The following NFILZ variants were observed in gnomAD, a reference collection of about 807,000 sequenced individuals.
The protein encoded by NFILZ is NFIL3 like protein.
chr19:8,680,821 G>A lies in NFILZ; in HGVS notation c.*3186G>A, dbSNP rs181367904. Among the ~76,000 whole-genome samples the A allele has an allele frequency of 1.9e-3, 288 of 152,262 alleles. No homozygotes were observed. Among genetic ancestry groups the A allele is most frequent in the African/African-American group, 6.6e-3 (274 of 41,536 alleles). Reference sequence around the variant, plus strand: ...AGAGATGAAGGGGGGAGTCATGCATGTATCAGAGGAAGAACATTTCCTAGT... The same window carrying A: ...AGAGATGAAGGGGGGAGTCATGCATATATCAGAGGAAGAACATTTCCTAGT... On this transcript the variant is annotated 3_prime_UTR_variant, in exon 6 of 6. Coordinates refer to ENST00000691075, the MANE Select transcript of NFILZ (RefSeq NM_001378600.1).
In NFILZ at chr19:8,664,895, C is replaced by G. The variant is rs536434848; in HGVS notation, c.-163-9656C>G. 3.3e-5 allele frequency among the ~76,000 whole-genome samples: 5 copies of G among 152,170 alleles called. No homozygotes were observed. The East Asian group carries it at 7.8e-4, about 24-fold the overall frequency. ...CTCCCTGCTTGCACACCCCCTGTGA[C>G]GGGCAGCTCATTACCTATCAAGGCA... On this transcript the variant is annotated intron_variant, in intron 3 of 5. Coordinates refer to ENST00000691075, the MANE Select transcript of NFILZ (RefSeq NM_001378600.1).
At chr19:8,646,369 C>T (rs1335746477) in intron 3 of NFILZ, among the ~76,000 whole-genome samples, 2 of 152,120 alleles carry the variant, frequency 1.3e-5, no homozygotes, top group Non-Finnish European at 2.9e-5. Context: ...CTCCATTGCA[C>T]AGATGAGGAA....
intron 3 of NFILZ, among the ~76,000 whole-genome samples, chr19:8,659,048 C>T (rs887677299): frequency 3.3e-5 from 5 of 151,984 alleles, no homozygotes; most frequent in Admixed American, 6.6e-5. Flanking sequence ...GATTTCGAGA[C>T]CGGCCTGGCC....
intron 3 of NFILZ, among the ~76,000 whole-genome samples, chr19:8,670,801 C>T (rs1187751474): frequency 1.3e-5 from 2 of 152,048 alleles, no homozygotes; most frequent in African/African-American, 4.8e-5. Context: ...TTGAGACCAG[C>T]GTGGCCAACA....
chr19:8,652,842 CTT>C (rs1427189015), intron 3 of NFILZ, among the ~76,000 whole-genome samples: 1 of 139,798 alleles, frequency 7.2e-6, no homozygotes, highest in Non-Finnish European at 1.5e-5. Flanking sequence ...CTTTCTCTTT[CTT>C]TCTTTCCTTT....
In NFILZ at chr19:8,678,935, A is replaced by T. The variant is rs1568426602; in HGVS notation, c.*1300A>T. Among the ~76,000 whole-genome samples, 2 of 152,270 alleles carry T rather than the reference A, an allele frequency of 1.3e-5. No homozygotes were observed. Among genetic ancestry groups the T allele is most frequent in the East Asian group, 3.9e-4 (2 of 5,176 alleles). Reference sequence around the variant, plus strand: ...TAGGAATGGGTGTTTGGGAAGAAACATACTGAAGACCAGACTGAAGGAGGA... The same window carrying T: ...TAGGAATGGGTGTTTGGGAAGAAACTTACTGAAGACCAGACTGAAGGAGGA... On this transcript the variant is annotated 3_prime_UTR_variant, in exon 6 of 6. Transcript: ENST00000691075.
chr19:8,672,687 CA>C (rs1309202361), intron 3 of NFILZ, among the ~76,000 whole-genome samples: 2 of 151,400 alleles, frequency 1.3e-5, no homozygotes, highest in Non-Finnish European at 2.9e-5. Flanking sequence ...TTAGTTCATT[CA>C]AAAATATTCA....
At chr19:8,671,470 A>G (rs1419839728) in intron 3 of NFILZ, among the ~76,000 whole-genome samples, 1 of 151,862 alleles carries the variant, frequency 6.6e-6, no homozygotes, top group Non-Finnish European at 1.5e-5. Context: ...AGTGATAACA[A>G]ATTTTCCTCT....
chr19:8,656,678 G>A (rs2043005318), intron 3 of NFILZ, among the ~76,000 whole-genome samples: 2 of 152,208 alleles, frequency 1.3e-5, no homozygotes, highest in South Asian at 4.1e-4. Flanking sequence ...GCTGCGCCCA[G>A]GCCTGTGCTA....
chr19:8,641,880 G>T (rs782654237), intron 3 of NFILZ, among the ~76,000 whole-genome samples: 53 of 151,816 alleles, frequency 3.5e-4, no homozygotes, highest in Non-Finnish European at 6.6e-4. Context: ...GGCTGCTGGA[G>T]TGCAGTGGCA....
At chr19:8,640,488 G>C (rs1428935533) in intron 3 of NFILZ, among the ~76,000 whole-genome samples, 2 of 152,072 alleles carry the variant, frequency 1.3e-5, no homozygotes, top group Admixed American at 1.3e-4. Context: ...AGTTCACTTA[G>C]GACACCCGGG....
At chr19:8,640,637 C>A (rs1255981971) in intron 3 of NFILZ, among the ~76,000 whole-genome samples, 1 of 152,178 alleles carries the variant, frequency 6.6e-6, no homozygotes, top group African/African-American at 2.4e-5. Context: ...CATCCCCAGA[C>A]AAACCTCAAG....
chr19:8,641,690 C>T (rs11669146), intron 3 of NFILZ, among the ~76,000 whole-genome samples: 1 of 152,208 alleles, frequency 6.6e-6, no homozygotes, highest in African/African-American at 2.4e-5. Flanking sequence ...CCCTTACCAG[C>T]TGAGATGTCT....
intron 3 of NFILZ, among the ~76,000 whole-genome samples, chr19:8,657,099 G>C (rs1405895856): frequency 6.6e-6 from 1 of 151,964 alleles, no homozygotes; most frequent in Non-Finnish European, 1.5e-5. Flanking sequence ...TTTTGTGGAG[G>C]GGGGCGGTTT....
intron 3 of NFILZ, among the ~76,000 whole-genome samples, chr19:8,658,939 G>A (rs1555748759): frequency 6.6e-6 from 1 of 151,960 alleles, no homozygotes; most frequent in Non-Finnish European, 1.5e-5. Context: ...GACAGAGCAA[G>A]ACCCTCTCTC....
chr19:8,664,496 G>A (rs1370020972), intron 3 of NFILZ, among the ~76,000 whole-genome samples: 1 of 152,114 alleles, frequency 6.6e-6, no homozygotes, highest in African/African-American at 2.4e-5. Context: ...GGGGGAGGGC[G>A]GGCCACGGCT....
At chr19:8,663,175 T>G (rs1308821407) in intron 3 of NFILZ, among the ~76,000 whole-genome samples, 1 of 151,408 alleles carries the variant, frequency 6.6e-6, no homozygotes, top group Non-Finnish European at 1.5e-5. Flanking sequence ...CTCAGGCTGG[T>G]TTTGAACTCC....
At chr19:8,666,207 G>A (rs2043061337) in intron 3 of NFILZ, among the ~76,000 whole-genome samples, 1 of 152,024 alleles carries the variant, frequency 6.6e-6, no homozygotes, top group African/African-American at 2.4e-5. Context: ...ATGCTGATAT[G>A]CTGAGTATCT....
intron 2 of NFILZ, among the ~76,000 whole-genome samples, chr19:8,634,232 A>G (rs2042884524): frequency 6.6e-6 from 1 of 151,650 alleles, no homozygotes; most frequent in South Asian, 2.1e-4. Flanking sequence ...CCCTGGCTTC[A>G]AGTGATCCAC....
Sources: allele counts gnomAD v4.1 joint callset (sites outside exome capture counted in the v4.1 genomes callset), GRCh38; gene constraint gnomAD v4.1.1; transcripts MANE v1.5; gene names NCBI Gene and HGNC (gene_info 2026-07-23, HGNC 2026-07-21).